Variants in ZNF609 observed in about 807,000 individuals in gnomAD.
ZNF609 encodes zinc finger protein 609.
A neutral mutation model predicts 109.5 loss-of-function variants in ZNF609; 11 were observed. That is an observed-to-expected ratio of 0.10 (90% CI 0.06 to 0.17). The LOEUF is 0.17. Among genes scored for constraint, ZNF609 ranks in the 10% least tolerant of loss-of-function variants. The probability of loss-of-function intolerance (pLI) is 1.00; values close to 1 mark genes in which losing one functional copy is unlikely to be tolerated. For missense variants in ZNF609, 1,559 were observed against 1,772.4 expected, an observed-to-expected ratio of 0.88 and a Z score of 2.16; for synonymous variants, 646 against 662.0, an observed-to-expected ratio of 0.98 and a Z score of 0.37.
At chr15:64,670,923 CG>C (rs1567043770) in intron 4 of ZNF609, among the ~76,000 whole-genome samples, 1 of 142,166 alleles carries the variant, frequency 7.0e-6, no homozygotes, top group Admixed American at 7.2e-5. Context: ...TTAAAGTGTT[CG>C]GGGGGCCGGG....
At chr15:64,526,908 C>A (rs1893974758) in intron 2 of ZNF609, among the ~76,000 whole-genome samples, 1 of 152,150 alleles carries the variant, frequency 6.6e-6, no homozygotes, top group Non-Finnish European at 1.5e-5. Flanking sequence ...CCTCGGCAAT[C>A]CCAAAGTGCT....
At chr15:64,576,622 A>G (rs1894956904) in intron 2 of ZNF609, among the ~76,000 whole-genome samples, 1 of 151,956 alleles carries the variant, frequency 6.6e-6, no homozygotes, top group Non-Finnish European at 1.5e-5. Context: ...TCAATAAACA[A>G]GAAAGGTTAA....
In ZNF609 at chr15:64,555,886, C is replaced by CAA. The variant is rs963732035; in HGVS notation, c.747+55744_747+55745dup. Among the ~76,000 whole-genome samples the CAA allele has an allele frequency of 5.9e-3, 227 of 38,426 alleles. 4 individuals carry two copies. The highest frequency in any genetic ancestry group is 0.014 in the Middle Eastern group (1 of 72). 25.2% of individuals were successfully genotyped at this position (38,426 alleles called of 152,430 possible). On this transcript the variant is annotated intron_variant, in intron 2 of 9. Coordinates refer to ENST00000326648, the MANE Select transcript of ZNF609 (RefSeq NM_015042.2). Reference sequence around the variant, plus strand: ...TGGGTGACAGAGCAAGACTCTGTCTCAAAAAAAAAAAAAAAAAAAAAAAAA... The same window carrying CAA: ...TGGGTGACAGAGCAAGACTCTGTCTCAAAAAAAAAAAAAAAAAAAAAAAAAAA...
chr15:64,681,293 TCTC>T lies in ZNF609; in HGVS notation c.4163-13_4163-11del, dbSNP rs771025240. On this transcript the variant is annotated splice_polypyrimidine_tract_variant and intron_variant, in intron 8 of 9. Transcript: ENST00000326648. ...TTCTGTGAGTGCTACACTAACATGTTCTCCTGCTTATTCAGGGCTTTCTTCTAC... is the reference window on the plus strand; with the variant it reads ...TTCTGTGAGTGCTACACTAACATGTTCTGCTTATTCAGGGCTTTCTTCTAC... 19 of 1,613,248 alleles carry T rather than the reference TCTC, an allele frequency of 1.2e-5. No homozygotes were observed. Among genetic ancestry groups the T allele is most frequent in the Non-Finnish European group, 1.6e-5 (19 of 1,179,376 alleles).
At chr15:64,571,129 G>C (rs1595722152) in intron 2 of ZNF609, among the ~76,000 whole-genome samples, 1 of 152,324 alleles carries the variant, frequency 6.6e-6, no homozygotes, top group East Asian at 1.9e-4. Flanking sequence ...CACAGAGTAA[G>C]TGCTAAGGTT....
At chr15:64,638,569 G>A (rs1896212174) in intron 3 of ZNF609, among the ~76,000 whole-genome samples, 1 of 152,030 alleles carries the variant, frequency 6.6e-6, no homozygotes, top group South Asian at 2.1e-4. Flanking sequence ...ATCAGAGCAA[G>A]TCACTGATAT....
intron 2 of ZNF609, among the ~76,000 whole-genome samples, chr15:64,591,886 A>C (rs985160008): frequency 2.6e-5 from 4 of 151,772 alleles, no homozygotes; most frequent in African/African-American, 9.7e-5. Context: ...TAATTTTTCT[A>C]TTTTCAGTAG....
At chr15:64,581,441 G>A (rs1351995368) in intron 2 of ZNF609, among the ~76,000 whole-genome samples, 1 of 151,690 alleles carries the variant, frequency 6.6e-6, no homozygotes, top group African/African-American at 2.4e-5. Flanking sequence ...TTTTGGTCAG[G>A]CAGCCACAAA....
chr15:64,598,623 G>A (rs1377888725), intron 2 of ZNF609, among the ~76,000 whole-genome samples: 2 of 150,958 alleles, frequency 1.3e-5, no homozygotes, highest in Non-Finnish European at 2.9e-5. Flanking sequence ...TGTCATTGAT[G>A]TAGATAGGGA....
At chr15:64,670,894 A>G (rs903138849) in intron 4 of ZNF609, among the ~76,000 whole-genome samples, 14 of 148,130 alleles carry the variant, frequency 9.5e-5, no homozygotes, top group African/African-American at 2.2e-4. Flanking sequence ...AAAAAAAAAA[A>G]AAGAAGATGA....
At chr15:64,471,750 A>G (rs145557689) in intron 1 of ZNF609, among the ~76,000 whole-genome samples, 1 of 151,586 alleles carries the variant, frequency 6.6e-6, no homozygotes, top group African/African-American at 2.4e-5. Context: ...CGCCTGGCTA[A>G]TTTTTTATTT....
chr15:64,652,560 T>G (rs1319180550), intron 3 of ZNF609, among the ~76,000 whole-genome samples: 1 of 151,988 alleles, frequency 6.6e-6, no homozygotes, highest in Non-Finnish European at 1.5e-5. Flanking sequence ...CTAATTTTTA[T>G]ATTTTTTGTA....
intron 1 of ZNF609, among the ~76,000 whole-genome samples, chr15:64,475,384 CAT>C (rs1402670813): frequency 1.4e-5 from 2 of 139,050 alleles, no homozygotes; most frequent in East Asian, 2.2e-4. Context: ...TACTTTATCA[CAT>C]GTTGTCTTTT....
intron 3 of ZNF609, among the ~76,000 whole-genome samples, chr15:64,639,363 AGAAAGT>A (rs1218359694): frequency 6.6e-6 from 1 of 152,240 alleles, no homozygotes; most frequent in Non-Finnish European, 1.5e-5. Flanking sequence ...TTAAAACAAC[AGAAAGT>A]TATTATTTCA....
intron 2 of ZNF609, among the ~76,000 whole-genome samples, chr15:64,618,842 G>A (rs1480131128): frequency 1.3e-5 from 2 of 152,218 alleles, no homozygotes; most frequent in African/African-American, 4.8e-5. Context: ...AGCCGCTTGT[G>A]TGTCTGCCTG....
intron 3 of ZNF609, among the ~76,000 whole-genome samples, chr15:64,653,462 C>A (rs558881951): frequency 6.6e-6 from 1 of 152,034 alleles, no homozygotes; most frequent in African/African-American, 2.4e-5. Flanking sequence ...CTGGGCAACA[C>A]GGTGAAACCC....
rs1895900237 is a variant in ZNF609 at position 64,622,959 on chromosome 15, G to A, written c.880G>A (p.Val294Met). ...TRSVGVNTCDVALATEPECLG... is the reference protein window; with the variant it reads ...TRSVGVNTCDMALATEPECLG... ...ATCAGTTGGGGTCAACACATGTGAT[G>A]TGGCTCTGGCCACAGAGCCTGAGTG... The change falls in exon 3 of 10, where the codon GTG becomes ATG. Residue 294 changes from valine (V) to methionine (M), a missense_variant. By Grantham distance (21) the Val-to-Met change is conservative. Coordinates refer to ENST00000326648, the MANE Select transcript of ZNF609 (RefSeq NM_015042.2). The A allele has an allele frequency of 5.0e-6, 8 of 1,614,244 alleles. No homozygotes were observed. The highest frequency in any genetic ancestry group is 5.9e-6 in the Non-Finnish European group (7 of 1,180,046).
intron 1 of ZNF609, among the ~76,000 whole-genome samples, chr15:64,496,116 C>A (rs541542085): frequency 6.6e-6 from 1 of 152,204 alleles, no homozygotes; most frequent in South Asian, 2.1e-4. Flanking sequence ...TGTGCCTGGC[C>A]TCTGTTATCT....
chr15:64,596,877 C>G (rs1895406284), intron 2 of ZNF609, among the ~76,000 whole-genome samples: 1 of 152,192 alleles, frequency 6.6e-6, no homozygotes, highest in Admixed American at 6.5e-5. Context: ...TACACCTCTA[C>G]TGACTGAAAA....
Sources: allele counts gnomAD v4.1 joint callset (sites outside exome capture counted in the v4.1 genomes callset), GRCh38; gene constraint gnomAD v4.1.1; transcripts MANE v1.5; gene names NCBI Gene and HGNC (gene_info 2026-07-23, HGNC 2026-07-21).